DTNA: variants seen among roughly 807,000 people sequenced by gnomAD.
The protein encoded by DTNA is dystrobrevin alpha.
Under a neutral mutation model 100.7 loss-of-function variants are expected in DTNA, and 43 were observed. That is an observed-to-expected ratio of 0.43 (90% CI 0.33 to 0.55). The LOEUF is 0.55. Among genes scored for constraint, DTNA ranks in the 20% least tolerant of loss-of-function variants. The pLI is 0.04. For missense variants in DTNA, 798 were observed against 953.9 expected (o/e 0.84, Z 2.15); for synonymous variants, 349 against 347.9 (o/e 1.00, Z -0.04).
At chr18:34,512,155 G>A (rs1419685933) in intron 1 of DTNA, among the ~76,000 whole-genome samples, 1 of 151,892 alleles carries the variant, frequency 6.6e-6, no homozygotes, top group Non-Finnish European at 1.5e-5. Context: ...GTGTTTAGGA[G>A]ACTTTGTTAT....
intron 1 of DTNA, among the ~76,000 whole-genome samples, chr18:34,581,330 A>G (rs12966525): frequency 0.1 from 15,660 of 152,162 alleles, 1,172 homozygotes; most frequent in African/African-American, 0.21. Context: ...TCCTTATCCA[A>G]CTCTGTGGCA....
At chr18:34,627,533 A>G (rs2057491844) in intron 1 of DTNA, among the ~76,000 whole-genome samples, 1 of 152,216 alleles carries the variant, frequency 6.6e-6, no homozygotes, top group Admixed American at 6.5e-5. Context: ...AGGTTCACCA[A>G]TATCAATAAG....
At chr18:34,539,576 G>A (rs17636184) in intron 1 of DTNA, among the ~76,000 whole-genome samples, 6,909 of 151,944 alleles carry the variant, frequency 0.045, 262 homozygotes, top group Non-Finnish European at 0.073. Context: ...TTATGCTTGG[G>A]ATTCCATCTC....
chr18:34,879,497 GGTCATAAAAAAATCTAACGA>G, intron 19 of DTNA, 34 bp from the exon 20 acceptor site: 1 of 1,588,972 alleles, frequency 6.3e-7, no homozygotes, highest in South Asian at 1.1e-5. Context: ...TTTATTTGCA[GGTCATAAAAAAATCTAACGA>G]GTCATTCTTT....
At position 34,533,325 on chromosome 18, in the gene DTNA, C is replaced by A. The variant is rs138879880; in HGVS notation, c.-2+39811C>A. Reference sequence around the variant, plus strand: ...AGGCGAGGTTACAGTGAGCCAAGATCATGCCATTGCATTCCATCCTGGGAG... The same window carrying A: ...AGGCGAGGTTACAGTGAGCCAAGATAATGCCATTGCATTCCATCCTGGGAG... On this transcript the variant is annotated intron_variant, in intron 1 of 19. Coordinates refer to the DTNA transcript ENST00000283365. Among the ~76,000 whole-genome samples, 73 of 149,460 alleles carry A rather than the reference C, an allele frequency of 4.9e-4. 1 individual carries two copies. The Middle Eastern group carries it at 0.01, about 21-fold the overall frequency.
intron 1 of DTNA, among the ~76,000 whole-genome samples, chr18:34,641,482 GTC>G (rs1277001930): frequency 6.6e-6 from 1 of 152,184 alleles, no homozygotes; most frequent in Non-Finnish European, 1.5e-5. Context: ...ATCAGGCCTA[GTC>G]TCTCTTCCTA....
At chr18:34,882,456 T>G (rs949623418) in intron 21 of DTNA, among the ~76,000 whole-genome samples, 2 of 151,964 alleles carry the variant, frequency 1.3e-5, no homozygotes, top group Non-Finnish European at 2.9e-5. Context: ...GCAACCTCCG[T>G]CTCCCTGATT....
At chr18:34,785,736 A>G (rs1319460653) in intron 3 of DTNA, among the ~76,000 whole-genome samples, 1 of 152,198 alleles carries the variant, frequency 6.6e-6, no homozygotes, top group Non-Finnish European at 1.5e-5. Flanking sequence ...CTAAAAGGAG[A>G]GAAAATAGAT....
intron 3 of DTNA, among the ~76,000 whole-genome samples, chr18:34,790,695 A>G (rs2094700431): frequency 6.6e-6 from 1 of 151,480 alleles, no homozygotes; most frequent in African/African-American, 2.4e-5. Flanking sequence ...GCAGCATACA[A>G]TTTTAAGCAG....
chr18:34,514,422 T>A (rs2041391376), intron 1 of DTNA, among the ~76,000 whole-genome samples: 3 of 152,126 alleles, frequency 2.0e-5, no homozygotes, highest in African/African-American at 7.2e-5. Context: ...CTGACACTGC[T>A]GACCCAGGGA....
At chr18:34,551,905 T>A (rs2045465655) in intron 1 of DTNA, among the ~76,000 whole-genome samples, 1 of 152,160 alleles carries the variant, frequency 6.6e-6, no homozygotes, top group African/African-American at 2.4e-5. Flanking sequence ...TATTTATGTG[T>A]CAGTGGCTCT....
At chr18:34,675,136 G>C (rs2077241755) in intron 1 of DTNA, among the ~76,000 whole-genome samples, 1 of 151,950 alleles carries the variant, frequency 6.6e-6, no homozygotes, top group Non-Finnish European at 1.5e-5. Flanking sequence ...TCAACATTTT[G>C]GACTATTCAT....
chr18:34,734,608 T>C (rs1485183802), intron 1 of DTNA, among the ~76,000 whole-genome samples: 1 of 152,182 alleles, frequency 6.6e-6, no homozygotes, highest in African/African-American at 2.4e-5. Context: ...CTTAGCAGAT[T>C]TGAGGCTCAG....
chr18:34,666,667 G>A (rs1039334870), intron 1 of DTNA, among the ~76,000 whole-genome samples: 4 of 152,026 alleles, frequency 2.6e-5, no homozygotes, highest in East Asian at 1.9e-4. Flanking sequence ...AGCACCATTT[G>A]TTAAATAGGG....
intron 1 of DTNA, among the ~76,000 whole-genome samples, chr18:34,620,637 C>T (rs371541013): frequency 3.8e-4 from 58 of 152,146 alleles, no homozygotes; most frequent in African/African-American, 1.2e-3. Flanking sequence ...TGTTAGAAGG[C>T]GATGAGGAAG....
intron 1 of DTNA, among the ~76,000 whole-genome samples, chr18:34,535,676 G>A (rs2043629342): frequency 6.6e-6 from 1 of 152,094 alleles, no homozygotes; most frequent in African/African-American, 2.4e-5. Flanking sequence ...TGTGTAAGAT[G>A]TAAGGAAGGG....
chr18:34,762,503 G>T (rs1052825731), intron 2 of DTNA, among the ~76,000 whole-genome samples: 7 of 152,098 alleles, frequency 4.6e-5, no homozygotes, highest in Non-Finnish European at 1.0e-4. Flanking sequence ...CCCAAAGTAG[G>T]TTTTTGGGTT....
intron 1 of DTNA, among the ~76,000 whole-genome samples, chr18:34,641,167 A>G (rs1174835483): frequency 2.0e-5 from 3 of 152,218 alleles, no homozygotes; most frequent in Non-Finnish European, 4.4e-5. Flanking sequence ...TAATAATCTT[A>G]ACTATCTATT....
intron 1 of DTNA, among the ~76,000 whole-genome samples, chr18:34,619,066 T>C (rs1319298470): frequency 6.6e-6 from 1 of 152,198 alleles, no homozygotes; most frequent in Non-Finnish European, 1.5e-5. Context: ...TGTGTGTGCA[T>C]GCAATATGAG....
Sources: allele counts gnomAD v4.1 joint callset (sites outside exome capture counted in the v4.1 genomes callset), GRCh38; gene constraint gnomAD v4.1.1; transcripts MANE v1.5; gene names NCBI Gene and HGNC (gene_info 2026-07-23, HGNC 2026-07-21).